RGS3: variants seen among roughly 807,000 people sequenced by gnomAD.
RGS3 encodes the protein regulator of G-protein signalling 3.
RGS3 carries 80 observed loss-of-function variants against 132.6 expected under a neutral mutation model. That is an observed-to-expected ratio of 0.60 (90% CI 0.50 to 0.73). The LOEUF is 0.73. RGS3 is among the 30% of genes least tolerant of loss of function. The probability of loss-of-function intolerance (pLI) is 0.00; values close to 1 mark genes in which losing one functional copy is unlikely to be tolerated. For missense variants in RGS3, 1,382 were observed against 1,530.8 expected (o/e 0.90, Z 1.62); for synonymous variants, 598 against 620.6 (o/e 0.96, Z 0.54).
At chr9:113,541,792 C>T in intron 19 of RGS3, 1 of 1,001,428 alleles carries the variant, frequency 1.0e-6, no homozygotes, top group Non-Finnish European at 1.2e-6. Context: ...TGATGAAGAA[C>T]AATGCCATGA....
chr9:113,525,985 G>A (rs1832181265), intron 17 of RGS3, among the ~76,000 whole-genome samples: 1 of 152,226 alleles, frequency 6.6e-6, no homozygotes, highest in Non-Finnish European at 1.5e-5. Context: ...CAGCAGGGCT[G>A]AATGGCAGTG....
At chr9:113,595,113 C>T (rs528171150) in intron 23 of RGS3, 133 bp downstream of exon 21, 27 of 849,724 alleles carry the variant, frequency 3.2e-5, no homozygotes, top group East Asian at 5.3e-5. Flanking sequence ...CTTGCTGTTG[C>T]GGAGGGGCTG....
intron 18 of RGS3, among the ~76,000 whole-genome samples, chr9:113,534,589 G>C (rs1251064753): frequency 6.6e-6 from 1 of 150,612 alleles, no homozygotes; most frequent in African/African-American, 2.4e-5. Flanking sequence ...AAAGAAATCT[G>C]TACATATGTA....
intron 7 of RGS3, among the ~76,000 whole-genome samples, chr9:113,489,768 G>C (rs1329611881): frequency 6.6e-6 from 1 of 151,254 alleles, no homozygotes; most frequent in Non-Finnish European, 1.5e-5. Flanking sequence ...GGCTGCAAGT[G>C]CTCCTTCTGC....
intron 7 of RGS3, among the ~76,000 whole-genome samples, chr9:113,486,984 C>G (rs1312552976): frequency 6.6e-6 from 1 of 150,826 alleles, no homozygotes; most frequent in Admixed American, 6.7e-5. Context: ...ATCGGATCAC[C>G]GATAGAGACT....
rs1001128252 is a variant in RGS3 at position 113,579,103 on chromosome 9, C to T, written c.2038-4347C>T. 2.6e-5 allele frequency among the ~76,000 whole-genome samples: 4 copies of T among 152,132 alleles called. No homozygotes were observed. Among genetic ancestry groups the T allele is most frequent in the African/African-American group, 4.8e-5 (2 of 41,420 alleles). Reference sequence around the variant, plus strand: ...CCCCCCCAGTGCAGGAAGTGGTTTTCGAGGGCAGATGCAGAGCCCGGCATC... The same window carrying T: ...CCCCCCCAGTGCAGGAAGTGGTTTTTGAGGGCAGATGCAGAGCCCGGCATC... On this transcript the variant is annotated intron_variant, in intron 19 of 24. Transcript: ENST00000350696. This position sits in a 1 kb window ranked among gnomAD's most constrained non-coding sequence, Gnocchi z 4.3.
At chr9:113,561,400 G>GTC (rs138650439) in intron 19 of RGS3, among the ~76,000 whole-genome samples, 111 of 142,098 alleles carry the variant, frequency 7.8e-4, no homozygotes, top group Non-Finnish European at 1.4e-3. Context: ...CCCTCTTTCT[G>GTC]TCTCTCTCTC....
At chr9:113,588,909 C>T (rs1209480597) in intron 20 of RGS3, among the ~76,000 whole-genome samples, 2 of 150,296 alleles carry the variant, frequency 1.3e-5, no homozygotes, top group African/African-American at 4.9e-5. Context: ...TTGAGCTAAG[C>T]TTCAAATCCA....
At chr9:113,584,919 C>T (rs184745842) in intron 20 of RGS3, among the ~76,000 whole-genome samples, 4 of 152,248 alleles carry the variant, frequency 2.6e-5, no homozygotes, top group Non-Finnish European at 4.4e-5. Context: ...CAGAGGAAAC[C>T]GAGGCAAAGA....
At chr9:113,583,823 A>G (rs758434008) in exon 20 of RGS3, 1 of 1,614,044 alleles carries the variant, frequency 6.2e-7, no homozygotes. Context: ...CCTGCCATCC[A>G]GGAATCCCCC....
rs532452247 is a variant in RGS3, at chr9:113,565,425, A to G, written c.2038-18025A>G. ...AGGAGGACAAGTAGGAGGAGGAGGA[A>G]GAGGAGGAGGGACGGGTGATGCAAG... On this transcript the variant is annotated intron_variant, in intron 19 of 24. Transcript: ENST00000350696. The surrounding 1 kb of genome is among the most constrained non-coding windows in gnomAD (Gnocchi z 5.7). 6.7e-5 allele frequency: 76 copies of G among 1,137,022 alleles called. No homozygotes were observed. The East Asian group carries it at 1.2e-3, about 18-fold the overall frequency. 70.4% of individuals were successfully genotyped at this position (1,137,022 alleles called of 1,614,324 possible). A position where few individuals can be genotyped will look rare whatever the true frequency, so the allele number is the denominator to read the frequency against.
At chr9:113,510,108 T>A (rs1831335062) in intron 14 of RGS3, among the ~76,000 whole-genome samples, 1 of 151,246 alleles carries the variant, frequency 6.6e-6, no homozygotes, top group African/African-American at 2.4e-5. Flanking sequence ...TCCCCCGAAG[T>A]CTGCAAAGTC....
chr9:113,564,810 C>G (rs183210905), intron 19 of RGS3: 7 of 429,256 alleles, frequency 1.6e-5, no homozygotes, highest in South Asian at 9.4e-5. Context: ...TGCCACCCCC[C>G]ACCCTGGGGG....
intron 19 of RGS3, among the ~76,000 whole-genome samples, chr9:113,542,343 A>G (rs1832937670): frequency 6.6e-6 from 1 of 152,108 alleles, no homozygotes; most frequent in African/African-American, 2.4e-5. Flanking sequence ...TGTCTTGTTG[A>G]TTTCATTCTA....
chr9:113,582,194 T>C, intron 19 of RGS3: 2 of 985,468 alleles, frequency 2.0e-6, no homozygotes, highest in Non-Finnish European at 2.4e-6. Context: ...CAAAGACTTC[T>C]CAGCTTCGAG....
intron 24 of RGS3, among the ~76,000 whole-genome samples, 179 bp downstream of exon 22, chr9:113,595,944 AT>A (rs1400879846): frequency 6.6e-6 from 1 of 152,234 alleles, no homozygotes; most frequent in Non-Finnish European, 1.5e-5. Context: ...CCAGTTAGTA[AT>A]AAAAATGGCC....
At chr9:113,580,993 A>G (rs1588283889) in intron 19 of RGS3, 1 of 891,404 alleles carries the variant, frequency 1.1e-6, no homozygotes, top group Non-Finnish European at 1.3e-6. Context: ...TCTTTCCCCA[A>G]GGACTATCAG....
chr9:113,545,031 A>G (rs1323183262), intron 19 of RGS3, among the ~76,000 whole-genome samples: 3 of 152,218 alleles, frequency 2.0e-5, no homozygotes, highest in Non-Finnish European at 4.4e-5. Flanking sequence ...GGCTGAAAAG[A>G]TCAATAGCTT....
At chr9:113,446,498 C>G (rs1165508434) in intron 1 of RGS3, among the ~76,000 whole-genome samples, 2 of 152,186 alleles carry the variant, frequency 1.3e-5, no homozygotes, top group Non-Finnish European at 2.9e-5. Context: ...CTGCAGGCCT[C>G]TGGTAATTTC....
Sources: allele counts gnomAD v4.1 joint callset (sites outside exome capture counted in the v4.1 genomes callset), GRCh38; gene constraint gnomAD v4.1.1; non-coding constraint Gnocchi (gnomAD v3.1); transcripts MANE v1.5; gene names NCBI Gene and HGNC (gene_info 2026-07-23, HGNC 2026-07-21).